Variants in CCDC175 observed in about 807,000 individuals in gnomAD.
CCDC175 encodes coiled-coil domain containing 175.
In CCDC175, 100 loss-of-function variants were observed where a neutral mutation model predicts 114.6. The ratio of observed to expected loss-of-function variants is 0.87; its 90% CI spans 0.74 to 1.03. CCDC175 has a LOEUF of 1.03. Ranked by LOEUF, CCDC175 falls within the 50% of genes least tolerant of loss-of-function variation. The pLI is 0.00. For synonymous variants in CCDC175, 306 were observed against 308.7 expected (o/e 0.99, Z 0.09); for missense variants, 880 against 917.8 (o/e 0.96, Z 0.53).
chr14:59,516,881 G>T (rs1243365764), intron 17 of CCDC175, among the ~76,000 whole-genome samples: 1 of 152,094 alleles, frequency 6.6e-6, no homozygotes. Flanking sequence ...GAGAATTTTA[G>T]ACCAATATCC....
At position 59,567,033 on chromosome 14, in the gene CCDC175, T is replaced by C. The variant is rs1896591808; in HGVS notation, c.491+1212A>G. 5.9e-5 allele frequency among the ~76,000 whole-genome samples: 9 copies of C among 152,338 alleles called. No individual in the cohort carries two copies. In the South Asian group the frequency reaches 1.9e-3, roughly 32 times the overall value. ...CAATTTTGGAAGCAAGTCCCAGTAA[T>C]TTGTGTTTTAACAAGCCCTCCAGAT... On this transcript the variant is annotated intron_variant, in intron 4 of 19. Coordinates refer to ENST00000537690, the MANE Select transcript of CCDC175 (RefSeq NM_001164399.2).
At chr14:59,542,825 T>C (rs913059544) in intron 10 of CCDC175, among the ~76,000 whole-genome samples, 14 of 152,148 alleles carry the variant, frequency 9.2e-5, no homozygotes, top group African/African-American at 3.4e-4. Context: ...TGGAACAAAT[T>C]CAGTTATAGT....
At chr14:59,513,549 CCACGGAGCCT>C (rs1169533967) in intron 17 of CCDC175, among the ~76,000 whole-genome samples, 1 of 152,182 alleles carries the variant, frequency 6.6e-6, no homozygotes, top group East Asian at 1.9e-4. Flanking sequence ...GGTCCTATGC[CCACGGAGCCT>C]CACTCATTGC....
chr14:59,514,435 G>A (rs1243600897), intron 17 of CCDC175, among the ~76,000 whole-genome samples: 1 of 152,162 alleles, frequency 6.6e-6, no homozygotes, highest in East Asian at 1.9e-4. Context: ...TTAGACGAAT[G>A]GCTAACTAGA....
chr14:59,527,245 G>A (rs1178929524), intron 14 of CCDC175, 71 bp from the exon 15 acceptor site: 1 of 803,234 alleles, frequency 1.2e-6, no homozygotes. Context: ...GAAGTACCTA[G>A]TTTTAAAAAT....
intron 17 of CCDC175, among the ~76,000 whole-genome samples, chr14:59,514,095 A>G (rs557598031): frequency 3.8e-4 from 58 of 152,344 alleles, no homozygotes; most frequent in African/African-American, 1.3e-3. Flanking sequence ...ACAGACCTGC[A>G]GCTGAAGGTC....
chr14:59,527,639 G>T (rs1362460237), intron 14 of CCDC175, among the ~76,000 whole-genome samples: 1 of 152,012 alleles, frequency 6.6e-6, no homozygotes, highest in African/African-American at 2.4e-5. Flanking sequence ...TATAATTTTT[G>T]TTTTTTCTTG....
At chr14:59,552,851 G>A (rs1338322286) in intron 7 of CCDC175, among the ~76,000 whole-genome samples, 1 of 141,136 alleles carries the variant, frequency 7.1e-6, no homozygotes, top group Non-Finnish European at 1.6e-5. Flanking sequence ...TCATCAACTG[G>A]AAGAAAGGGT....
intron 3 of CCDC175, among the ~76,000 whole-genome samples, chr14:59,569,445 C>T (rs182238347): frequency 1.3e-5 from 2 of 152,326 alleles, no homozygotes; most frequent in Non-Finnish European, 2.9e-5. Context: ...GTAGCAAGGA[C>T]TTACGACATA....
chr14:59,551,279 T>A, intron 8 of CCDC175, 76 bp downstream of exon 8: 1 of 703,556 alleles, frequency 1.4e-6, no homozygotes, highest in African/African-American at 1.9e-5. Context: ...AAATTCTATA[T>A]TTCTCACATA....
At chr14:59,571,002 A>G (rs1896816787) in intron 3 of CCDC175, among the ~76,000 whole-genome samples, 1 of 152,038 alleles carries the variant, frequency 6.6e-6, no homozygotes, top group African/African-American at 2.4e-5. Flanking sequence ...CAGCCTCCCA[A>G]AGTGCTGGGA....
intron 18 of CCDC175, among the ~76,000 whole-genome samples, 194 bp downstream of exon 18, chr14:59,511,566 A>AAAAAG (rs1892750258): frequency 1.3e-5 from 2 of 151,372 alleles, no homozygotes; most frequent in Admixed American, 1.3e-4. Context: ...AAAAAAAAAA[A>AAAAAG]AGACACATTT....
chr14:59,524,778 T>C (rs1357586488), intron 16 of CCDC175, among the ~76,000 whole-genome samples: 1 of 152,188 alleles, frequency 6.6e-6, no homozygotes, highest in Non-Finnish European at 1.5e-5. Flanking sequence ...TTCACAGCAA[T>C]ACTATTTGTA....
intron 13 of CCDC175, among the ~76,000 whole-genome samples, chr14:59,533,843 G>T (rs1021036831): frequency 2.0e-5 from 3 of 151,940 alleles, no homozygotes; most frequent in African/African-American, 7.3e-5. Context: ...AAAAAAATTA[G>T]CCAGGCCTGG....
rs111893372 is a variant in CCDC175 at position 59,546,658 on chromosome 14, C to T, written c.1036-1359G>A. ...GTGGAACAAAAGCCAACATGTAATG[C>T]TCATCCAGGTGTTGAGCCTACATAA... On this transcript the variant is annotated intron_variant, in intron 8 of 19. Transcript: ENST00000537690. Among the ~76,000 whole-genome samples the T allele has an allele frequency of 2.1e-3, 319 of 152,072 alleles. 1 individual carries two copies. The highest frequency in any genetic ancestry group is 6.9e-3 in the African/African-American group (286 of 41,478).
intron 19 of CCDC175, among the ~76,000 whole-genome samples, chr14:59,505,855 G>T (rs986714569): frequency 1.3e-5 from 2 of 152,086 alleles, no homozygotes; most frequent in African/African-American, 2.4e-5. Flanking sequence ...TCAAAATACA[G>T]GTTGAATATC....
chr14:59,527,048 C>G, intron 15 of CCDC175, 47 bp downstream of exon 15: 1 of 1,048,020 alleles, frequency 9.5e-7, no homozygotes, highest in Non-Finnish European at 1.3e-6. Context: ...GTATATACCA[C>G]TATTCTAATA....
intron 7 of CCDC175, among the ~76,000 whole-genome samples, chr14:59,557,289 A>G (rs1475863292): frequency 1.3e-5 from 2 of 152,032 alleles, no homozygotes; most frequent in African/African-American, 2.4e-5. Flanking sequence ...TGCAGCCATA[A>G]AAAAGGATGA....
At chr14:59,569,506 C>T (rs1032552671) in intron 3 of CCDC175, among the ~76,000 whole-genome samples, 1 of 152,262 alleles carries the variant, frequency 6.6e-6, no homozygotes, top group East Asian at 1.9e-4. Context: ...GTATCAAGGA[C>T]CTTATAAGCT....
Sources: allele counts gnomAD v4.1 joint callset (sites outside exome capture counted in the v4.1 genomes callset), GRCh38; gene constraint gnomAD v4.1.1; transcripts MANE v1.5; gene names NCBI Gene and HGNC (gene_info 2026-07-23, HGNC 2026-07-21).